The following C12orf56 variants were observed in gnomAD, a reference collection of about 807,000 sequenced individuals.
The protein encoded by C12orf56 is chromosome 12 open reading frame 56.
A neutral mutation model predicts 69.9 loss-of-function variants in C12orf56; 71 were observed. The observed-to-expected ratio is 1.02, with a 90% CI of 0.84 to 1.24. The LOEUF is 1.24. C12orf56 is among the 50% of genes most tolerant of loss of function. C12orf56 has a pLI of 0.00. For missense variants in C12orf56, 732 were observed against 738.5 expected (o/e 0.99, Z 0.10); for synonymous variants, 276 against 274.1 (o/e 1.01, Z -0.07).
intron 2 of C12orf56, chr12:64,338,714 G>A (rs1339273575): frequency 4.6e-6 from 7 of 1,531,412 alleles, no homozygotes; most frequent in Admixed American, 1.7e-5. Context: ...TATTCCTTCT[G>A]CTTTCTCATT....
intron 8 of C12orf56, among the ~76,000 whole-genome samples, chr12:64,283,298 C>T (rs909221902): frequency 7.2e-5 from 11 of 152,130 alleles, no homozygotes; most frequent in South Asian, 4.2e-4. Flanking sequence ...GAGCTGAAAT[C>T]GTGCCATTGC....
intron 2 of C12orf56, among the ~76,000 whole-genome samples, chr12:64,340,951 T>C (rs1316160690): frequency 2.0e-5 from 3 of 152,194 alleles, no homozygotes; most frequent in Non-Finnish European, 1.5e-5. Flanking sequence ...TCAAAGGGCA[T>C]AGTAACACTA....
rs2136871565 is a variant in C12orf56, at chr12:64,334,722, A to G, written c.416-3690T>C. The stretch of plus-strand genomic sequence containing the variant: ...TCACTGCAGCTCTAGAATAACAGAA[A>G]AGACCTTAAAGGCTTTTGTGGTATT... On this transcript the variant is annotated intron_variant, in intron 2 of 12. Transcript: ENST00000543942. Among the ~76,000 whole-genome samples, 2 of 152,314 alleles carry G rather than the reference A, an allele frequency of 1.3e-5. 1 individual carries two copies. Among genetic ancestry groups the G allele is most frequent in the Middle Eastern group, 6.8e-3 (2 of 294 alleles).
rs200351319 is a variant in C12orf56, at chr12:64,276,993, T to TAAAAAAA, written c.1434+680_1434+686dup. ...TGGGCAACAGAGTGAAACCCTTTCT[T>TAAAAAAA]AAAAAAAAAAAAAAAAAAAAAAATT... On this transcript the variant is annotated intron_variant, in intron 9 of 12. Coordinates refer to ENST00000543942, the MANE Select transcript of C12orf56 (RefSeq NM_001170633.2). Among the ~76,000 whole-genome samples the TAAAAAAA allele has an allele frequency of 1.7e-4, 12 of 69,218 alleles. 3 individuals are homozygous for TAAAAAAA. The highest frequency in any genetic ancestry group is 4.2e-4 in the Admixed American group (2 of 4,778). The allele number at this position is 69,218 out of a possible 152,430, so 45.4% of individuals were successfully genotyped here.
At chr12:64,381,327 G>C (rs767837651) in intron 1 of C12orf56, among the ~76,000 whole-genome samples, 6 of 152,158 alleles carry the variant, frequency 3.9e-5, no homozygotes, top group Non-Finnish European at 7.3e-5. Context: ...ACTGATCTTA[G>C]ATTTTACAGT....
chr12:64,357,256 T>G (rs2039330903), intron 1 of C12orf56, among the ~76,000 whole-genome samples: 1 of 152,188 alleles, frequency 6.6e-6, no homozygotes, highest in African/African-American at 2.4e-5. Context: ...TATAGGTAAG[T>G]TCTTAAGTAA....
intron 6 of C12orf56, among the ~76,000 whole-genome samples, chr12:64,295,061 T>A (rs1295912014): frequency 6.6e-6 from 1 of 152,126 alleles, no homozygotes; most frequent in African/African-American, 2.4e-5. Context: ...TTTTGTATTT[T>A]TAGTAAAGAT....
At chr12:64,337,716 G>A (rs769350542) in intron 2 of C12orf56, among the ~76,000 whole-genome samples, 9 of 152,024 alleles carry the variant, frequency 5.9e-5, no homozygotes, top group African/African-American at 1.7e-4. Flanking sequence ...AATTAGTCAC[G>A]TGTGGTAGTG....
chr12:64,376,401 A>G (rs2039640593), intron 1 of C12orf56, among the ~76,000 whole-genome samples: 1 of 152,230 alleles, frequency 6.6e-6, no homozygotes. Flanking sequence ...ATTGATTGTA[A>G]TGGTTACTAT....
chr12:64,286,636 C>T (rs980809603), intron 6 of C12orf56, among the ~76,000 whole-genome samples: 1 of 152,142 alleles, frequency 6.6e-6, no homozygotes, highest in Admixed American at 6.5e-5. Context: ...TGTTCCTGTC[C>T]AGTCTCATGA....
chr12:64,382,782 C>T (rs1274776619), intron 1 of C12orf56, among the ~76,000 whole-genome samples: 1 of 148,858 alleles, frequency 6.7e-6, no homozygotes, highest in Non-Finnish European at 1.5e-5. Context: ...CTGGGGCAGG[C>T]GAATGGTGTG....
chr12:64,351,195 A>C (rs1374662997), intron 2 of C12orf56, among the ~76,000 whole-genome samples: 1 of 152,230 alleles, frequency 6.6e-6, no homozygotes, highest in Non-Finnish European at 1.5e-5. Flanking sequence ...CCCAAATCTT[A>C]GCAAGCATAA....
intron 1 of C12orf56, among the ~76,000 whole-genome samples, chr12:64,354,440 A>G (rs1263191272): frequency 6.6e-6 from 1 of 151,910 alleles, no homozygotes; most frequent in African/African-American, 2.4e-5. Flanking sequence ...TCTGAGCAAC[A>G]TAGCAAGATC....
At chr12:64,352,759 A>C in intron 2 of C12orf56, 135 bp downstream of exon 2, 1 of 739,102 alleles carries the variant, frequency 1.4e-6, no homozygotes, top group Admixed American at 4.0e-5. Context: ...CCCATGCCTA[A>C]ATTTTCCTGG....
At chr12:64,286,279 G>A (rs544715349) in intron 6 of C12orf56, among the ~76,000 whole-genome samples, 1 of 152,200 alleles carries the variant, frequency 6.6e-6, no homozygotes, top group Non-Finnish European at 1.5e-5. Context: ...GGGCTAGGGG[G>A]TGATGCTGGG....
intron 2 of C12orf56, among the ~76,000 whole-genome samples, chr12:64,343,088 A>G (rs960606777): frequency 1.3e-5 from 2 of 152,176 alleles, no homozygotes; most frequent in African/African-American, 4.8e-5. Flanking sequence ...CAAAATTCAA[A>G]TAGGCCCACT....
At chr12:64,278,906 A>T (rs1225458336) in intron 8 of C12orf56, among the ~76,000 whole-genome samples, 2 of 152,184 alleles carry the variant, frequency 1.3e-5, no homozygotes, top group African/African-American at 4.8e-5. Flanking sequence ...ACTTAGCCTA[A>T]TATCCTCCAG....
At position 64,266,859 on chromosome 12, in the gene C12orf56, C is replaced by T. The variant is rs1057163940; in HGVS notation, c.*324G>A. On this transcript the variant is annotated 3_prime_UTR_variant, in exon 13 of 13. Transcript: ENST00000543942. ...AGAAGTGAGTACAGCTTTCCTAAAT[C>T]CCTGCATTCCTTTTTCCTGTGTCTT... 1 of 325,154 alleles carries T rather than the reference C, an allele frequency of 3.1e-6. No individual in the cohort carries two copies. The highest frequency in any genetic ancestry group is 2.2e-5 in the African/African-American group (1 of 46,020). The allele number at this position is 325,154 out of a possible 1,614,324, so 20.1% of individuals were successfully genotyped here. A position where few individuals can be genotyped will look rare whatever the true frequency, so the allele number is the denominator to read the frequency against.
intron 1 of C12orf56, among the ~76,000 whole-genome samples, chr12:64,360,154 G>T (rs750998839): frequency 4.6e-5 from 7 of 152,056 alleles, no homozygotes; most frequent in African/African-American, 1.7e-4. Flanking sequence ...GGCTGGGTGC[G>T]GTGGCTCACA....
Sources: gnomAD v4.1 joint callset for allele counts (sites outside exome capture counted in the v4.1 genomes callset) on GRCh38, gnomAD v4.1.1 for gene constraint, MANE v1.5 for transcripts, NCBI Gene and HGNC (gene_info 2026-07-23, HGNC 2026-07-21) for gene names.